Variants in PSD3 observed in about 807,000 individuals in gnomAD.
The protein encoded by PSD3 is pleckstrin and Sec7 domain containing 3.
A neutral mutation model predicts 105.5 loss-of-function variants in PSD3; 49 were observed. That is an observed-to-expected ratio of 0.46 (90% CI 0.37 to 0.59). The LOEUF is 0.59. PSD3 is among the 20% of genes least tolerant of loss of function. The pLI, the probability that PSD3 is intolerant of heterozygous loss-of-function variation, is 0.00. For synonymous variants in PSD3, 557 were observed against 457.8 expected (o/e 1.22, Z -2.77); for missense variants, 1,561 against 1,263.8 (o/e 1.24, Z -3.57).
chr8:18,632,805 C>T lies in PSD3; in HGVS notation c.2218G>A (p.Asp740Asn). 1.9e-6 allele frequency: 3 copies of T among 1,557,386 alleles called. 1 individual carries two copies. The South Asian group carries it at 3.4e-5, about 18-fold the overall frequency. ...IKNEKLEWAV[D>N]DEEKKKSPSE... ...GGAGACTTTTTTTTCTCTTCATCAT[C>T]TCTAAAAGGGAGAAAGCACAAAGAC... Residue 740 changes from aspartate (D) to asparagine (N), a missense_variant and splice_region_variant, in exon 11 of 16, where the codon GAT (aspartate) becomes AAT (asparagine). Coordinates refer to ENST00000327040, the MANE Select transcript of PSD3 (RefSeq NM_015310.4).
At chr8:19,062,375 T>C (rs1239555334) in intron 1 of PSD3, among the ~76,000 whole-genome samples, 2 of 152,148 alleles carry the variant, frequency 1.3e-5, no homozygotes, top group Admixed American at 6.5e-5. Context: ...TGCTTACAGT[T>C]GATGGGGTGA....
intron 6 of PSD3, among the ~76,000 whole-genome samples, chr8:18,803,892 G>C (rs1028171211): frequency 5.3e-5 from 8 of 151,944 alleles, no homozygotes; most frequent in African/African-American, 1.9e-4. Flanking sequence ...TGTTTTTAAT[G>C]CCACTCATTG....
chr8:18,617,297 G>A (rs1435043355), intron 11 of PSD3, among the ~76,000 whole-genome samples: 4 of 152,164 alleles, frequency 2.6e-5, no homozygotes, highest in African/African-American at 9.7e-5. Context: ...TTGGGAGGCT[G>A]AGGTGGGTGA....
chr8:18,833,006 G>C (rs113530168), intron 4 of PSD3, among the ~76,000 whole-genome samples: 1,648 of 152,286 alleles, frequency 0.011, 31 homozygotes, highest in African/African-American at 0.037. Flanking sequence ...ATGGCAGTTT[G>C]AGGTTATAAT....
chr8:18,768,863 C>T lies in PSD3; in HGVS notation c.2083-3325G>A, dbSNP rs551317947. On this transcript the variant is annotated intron_variant, in intron 8 of 15. Transcript: ENST00000327040. ...CAAAGAATGCATAGTTTGTATGAAA[C>T]ACTGAAAAAAATGGTTTGACAGAAG... is the stretch of plus-strand genomic sequence containing the variant. 9.9e-5 allele frequency among the ~76,000 whole-genome samples: 15 copies of T among 152,168 alleles called. No individual in the cohort carries two copies. The East Asian group carries it at 2.9e-3, about 29-fold the overall frequency.
chr8:18,887,692 T>C (rs1038213900), intron 2 of PSD3, among the ~76,000 whole-genome samples: 1 of 152,140 alleles, frequency 6.6e-6, no homozygotes, highest in African/African-American at 2.4e-5. Flanking sequence ...TTCCAACCAG[T>C]ATGAGGATGC....
intron 8 of PSD3, among the ~76,000 whole-genome samples, chr8:18,797,843 G>A (rs567640310): frequency 6.6e-6 from 1 of 152,204 alleles, no homozygotes; most frequent in South Asian, 2.1e-4. Context: ...ACTCTTTTAT[G>A]TTGATGGAAC....
At chr8:18,920,633 T>C (rs572722793) in intron 2 of PSD3, among the ~76,000 whole-genome samples, 3 of 152,222 alleles carry the variant, frequency 2.0e-5, no homozygotes, top group Non-Finnish European at 2.9e-5. Flanking sequence ...AAACCTTTTA[T>C]TGACATATCC....
intron 1 of PSD3, among the ~76,000 whole-genome samples, chr8:18,959,124 T>A (rs1278303690): frequency 6.6e-6 from 1 of 152,156 alleles, no homozygotes. Context: ...TTTCACCACG[T>A]TGGCCAGGCT....
intron 4 of PSD3, among the ~76,000 whole-genome samples, chr8:18,828,830 G>A (rs1813439445): frequency 6.6e-6 from 1 of 151,878 alleles, no homozygotes; most frequent in Non-Finnish European, 1.5e-5. Flanking sequence ...TGGGCATCGG[G>A]GCACATACCT....
chr8:18,910,379 T>A (rs1261093427), intron 2 of PSD3, among the ~76,000 whole-genome samples: 3 of 124,278 alleles, frequency 2.4e-5, no homozygotes, highest in East Asian at 4.4e-4. Context: ...CAGTAAACTA[T>A]CGCAAGAACA....
chr8:18,666,331 G>A (rs1210592503), intron 9 of PSD3, among the ~76,000 whole-genome samples: 1 of 152,240 alleles, frequency 6.6e-6, no homozygotes, highest in African/African-American at 2.4e-5. Flanking sequence ...GATTAAAGGC[G>A]TGAGCCACCT....
chr8:18,825,583 G>A (rs554760629), intron 4 of PSD3, among the ~76,000 whole-genome samples: 1 of 152,324 alleles, frequency 6.6e-6, no homozygotes, highest in African/African-American at 2.4e-5. Context: ...GAGGGTTTCA[G>A]TATTTTGAAT....
intron 6 of PSD3, among the ~76,000 whole-genome samples, chr8:18,802,944 A>G (rs755628315): frequency 2.0e-5 from 3 of 152,222 alleles, no homozygotes; most frequent in African/African-American, 7.2e-5. Context: ...GATTATGCTG[A>G]CATTCATTTT....
intron 2 of PSD3, among the ~76,000 whole-genome samples, chr8:18,893,131 T>C (rs569642198): frequency 3.3e-5 from 5 of 152,156 alleles, no homozygotes; most frequent in Non-Finnish European, 1.5e-5. Context: ...CACGGTTGCA[T>C]GTACTGGGCA....
intron 1 of PSD3, among the ~76,000 whole-genome samples, chr8:18,968,546 G>C (rs1299977245): frequency 6.6e-6 from 1 of 152,124 alleles, no homozygotes; most frequent in African/African-American, 2.4e-5. Flanking sequence ...CTATTTCCCA[G>C]CTTGCTGTCA....
intron 9 of PSD3, among the ~76,000 whole-genome samples, chr8:18,755,204 G>A (rs769881510): frequency 1.6e-4 from 25 of 152,136 alleles, no homozygotes; most frequent in Middle Eastern, 3.4e-3. Flanking sequence ...CATGGTGGGC[G>A]GATCACTTGA....
chr8:18,757,759 CAT>C (rs1345289568), intron 9 of PSD3, among the ~76,000 whole-genome samples: 3 of 152,158 alleles, frequency 2.0e-5, no homozygotes, highest in Non-Finnish European at 4.4e-5. Flanking sequence ...TGACAATAAA[CAT>C]AGGATCATGT....
rs529622829 is a variant in PSD3 at position 18,605,589 on chromosome 8, G to T, written c.2411-5155C>A. 2.6e-5 allele frequency among the ~76,000 whole-genome samples: 4 copies of T among 152,146 alleles called. 1 individual carries two copies. The South Asian group carries it at 8.3e-4, about 32-fold the overall frequency. ...TGGGGAACGTTGGGAAGGCATGATT[G>T]TATTTTGCCATGTGAGAAGGACATG... On this transcript the variant is annotated intron_variant, in intron 11 of 15. Coordinates refer to ENST00000327040, the MANE Select transcript of PSD3 (RefSeq NM_015310.4).
Sources: allele counts gnomAD v4.1 joint callset (sites outside exome capture counted in the v4.1 genomes callset), GRCh38; gene constraint gnomAD v4.1.1; transcripts MANE v1.5; gene names NCBI Gene and HGNC (gene_info 2026-07-23, HGNC 2026-07-21).